Variants in CLCF1 observed in about 807,000 individuals in gnomAD.
CLCF1 encodes the protein cardiotrophin-like cytokine factor 1.
A neutral mutation model predicts 21.2 loss-of-function variants in CLCF1; 10 were observed. That is an observed-to-expected ratio of 0.47 (90% CI 0.29 to 0.80). The LOEUF is 0.80. Ranked by LOEUF, CLCF1 falls within the 30% of genes least tolerant of loss-of-function variation. The pLI is 0.09. For missense variants in CLCF1, 240 were observed against 293.4 expected, an observed-to-expected ratio of 0.82 and a Z score of 1.33; for synonymous variants, 115 against 120.5, an observed-to-expected ratio of 0.95 and a Z score of 0.30.
Position 67,373,571 on chromosome 11 carries a change from C to G in CLCF1, c.-32G>C, listed in dbSNP as rs758862272. On this transcript the variant is annotated 5_prime_UTR_variant, in exon 1 of 3. Transcript: ENST00000312438. ...GGGGCCGGGCCGGCCGGGTGCGGCT[C>G]CTCTCCCGGAGGCTGGCGGAGTGGG... 17 of 1,363,072 alleles carry G rather than the reference C, an allele frequency of 1.2e-5. No individual in the cohort carries two copies. Among genetic ancestry groups the G allele is most frequent in the Admixed American group, 1.1e-4 (3 of 28,462 alleles). 84.4% of individuals were successfully genotyped at this position (1,363,072 alleles called of 1,614,324 possible).
chr11:67,371,834 TGTGCAGGGGTGGC>T (rs970683031), intron 1 of CLCF1, among the ~76,000 whole-genome samples: 5 of 151,722 alleles, frequency 3.3e-5, no homozygotes, highest in South Asian at 2.1e-4. Flanking sequence ...CAGTGGCTGG[TGTGCAGGGGTGGC>T]GTGCAGGGGT....
intron 1 of CLCF1, chr11:67,369,891 G>A (rs1862192171): frequency 8.1e-6 from 8 of 985,120 alleles, no homozygotes; most frequent in Non-Finnish European, 9.6e-6. Flanking sequence ...AGGGGGAGAA[G>A]CCTTTGGATA....
chr11:67,367,442 C>G lies in CLCF1; in HGVS notation c.183+18G>C. 1.9e-6 allele frequency: 3 copies of G among 1,614,196 alleles called. No individual in the cohort carries two copies. Among genetic ancestry groups the G allele is most frequent in the Non-Finnish European group, 2.5e-6 (3 of 1,180,024 alleles). ...CTCACTCCTCCCCAACTCCCAGATT[C>G]CTACGCTGGATACTCACATAGGTCC... On this transcript the variant is annotated intron_variant, in intron 2 of 2. Transcript: ENST00000312438.
chr11:67,374,115 C>A, upstream of CLCF1: 35 of 985,874 alleles, frequency 3.6e-5, no homozygotes, highest in Non-Finnish European at 4.0e-5. Context: ...CCCTCCTCCT[C>A]CCCCTTGAGT....
chr11:67,366,174 A>C (rs1354514231), intron 2 of CLCF1, among the ~76,000 whole-genome samples: 1 of 152,098 alleles, frequency 6.6e-6, no homozygotes, highest in Non-Finnish European at 1.5e-5. Context: ...TGGAAGCCAG[A>C]TTGCAGGGGG....
Position 67,367,641 on chromosome 11 carries a change from G to A in CLCF1, c.17-15C>T. 1 of 1,611,748 alleles carries A rather than the reference G, an allele frequency of 6.2e-7. No homozygotes were observed. On this transcript the variant is annotated splice_polypyrimidine_tract_variant and intron_variant, in intron 1 of 2. Coordinates refer to ENST00000312438, the MANE Select transcript of CLCF1 (RefSeq NM_013246.3). ...CCACGAGTCCCCTGTGGGCAGGATG[G>A]ACGAGAAGCATGAGCGCGGCCCGGG...
chr11:67,373,608 C>A, upstream of CLCF1: 1 of 1,279,364 alleles, frequency 7.8e-7, no homozygotes, highest in Non-Finnish European at 9.9e-7. Context: ...GGGCGAGCCG[C>A]GGCTCCGGCG....
chr11:67,369,257 G>GCC, intron 1 of CLCF1: 1 of 985,406 alleles, frequency 1.0e-6, no homozygotes, highest in Non-Finnish European at 1.2e-6. Context: ...TGTGTGACTG[G>GCC]CCGGCTTTAC....
rs1862248365 is a variant in CLCF1, at chr11:67,372,132, A to G, written c.16+1392T>C. Among the ~76,000 whole-genome samples, 1 of 152,098 alleles carries G rather than the reference A, an allele frequency of 6.6e-6. No individual in the cohort carries two copies. Among genetic ancestry groups the G allele is most frequent in the Non-Finnish European group, 1.5e-5 (1 of 67,990 alleles). On this transcript the variant is annotated intron_variant, in intron 1 of 2. Coordinates refer to ENST00000312438, the MANE Select transcript of CLCF1 (RefSeq NM_013246.3). This position sits in a 1 kb window ranked among gnomAD's most constrained non-coding sequence, Gnocchi z 5.9. ...TGGCGGAGGTCAGTCGGGGTCAGTG[A>G]AAGCACAGAGGTGTCCCTGGGTTAG...
At chr11:67,370,422 C>A in intron 1 of CLCF1, 1 of 985,166 alleles carries the variant, frequency 1.0e-6, no homozygotes, top group African/African-American at 1.7e-5. Context: ...CGGCCCCCGC[C>A]CCAGCTCTGC....
rs980334718 is a variant in CLCF1, at chr11:67,372,091, G to C, written c.16+1433C>G. Among the ~76,000 whole-genome samples, 1 of 152,132 alleles carries C rather than the reference G, an allele frequency of 6.6e-6. No individual in the cohort carries two copies. The highest frequency in any genetic ancestry group is 6.5e-5 in the Admixed American group (1 of 15,280). ...CATCCTGTCCGGTGTGAGGGGCAAC[G>C]TGTGCTCCCGAGCTGTGGCGGAGGT... On this transcript the variant is annotated intron_variant, in intron 1 of 2. Transcript: ENST00000312438. The surrounding 1 kb of genome is among the most constrained non-coding windows in gnomAD (Gnocchi z 5.9).
At chr11:67,373,418 G>C in intron 1 of CLCF1, 106 bp downstream of exon 1, 1 of 587,976 alleles carries the variant, frequency 1.7e-6, no homozygotes, top group Non-Finnish European at 2.8e-6. Flanking sequence ...CCAGCTCCCT[G>C]GCCCGGCCCC....
rs193230914 is a variant in CLCF1, at chr11:67,370,119, G to C, written c.17-2493C>G. 57 of 985,352 alleles carry C rather than the reference G, an allele frequency of 5.8e-5. No individual in the cohort carries two copies. The South Asian group carries it at 1.6e-3, about 28-fold the overall frequency. The allele number at this position is 985,352 out of a possible 1,614,324, so 61.0% of individuals were successfully genotyped here. ...GAGAAGAGGTTAGGAGAAAAGAAAG[G>C]GGGGGTAGAAGGACAGGGCTCTGCC... On this transcript the variant is annotated intron_variant, in intron 1 of 2. Transcript: ENST00000312438.
At chr11:67,369,285 G>A in intron 1 of CLCF1, 1 of 985,338 alleles carries the variant, frequency 1.0e-6, no homozygotes. Flanking sequence ...GCGTGGCGGT[G>A]GGGTACCACA....
chr11:67,365,091 T>C lies in CLCF1; in HGVS notation c.*45A>G. ...GCATACAGGGCTGGCTCTCACAAAG[T>C]GGGAGCAGGGTTTGAAGGGGGAGCG... On this transcript the variant is annotated 3_prime_UTR_variant, in exon 3 of 3. Transcript: ENST00000312438. The surrounding 1 kb of genome is among the most constrained non-coding windows in gnomAD (Gnocchi z 5.0). The C allele has an allele frequency of 6.2e-7, 1 of 1,611,412 alleles. No homozygotes were observed. The highest frequency in any genetic ancestry group is 8.5e-7 in the Non-Finnish European group (1 of 1,179,856).
At chr11:67,371,941 T>C (rs1862244671) in intron 1 of CLCF1, among the ~76,000 whole-genome samples, 1 of 151,994 alleles carries the variant, frequency 6.6e-6, no homozygotes, top group African/African-American at 2.4e-5. Flanking sequence ...CAGTGTCACT[T>C]CTGGGGCTGC....
At chr11:67,368,715 G>A (rs1029473362) in intron 1 of CLCF1, 11 of 985,248 alleles carry the variant, frequency 1.1e-5, no homozygotes, top group Non-Finnish European at 1.2e-5. Context: ...GATTTAGTGC[G>A]GTTGAGGTTT....
intron 1 of CLCF1, chr11:67,370,508 G>GCTAA (rs1333667059): frequency 1.0e-6 from 1 of 984,888 alleles, no homozygotes; most frequent in Non-Finnish European, 1.2e-6. Context: ...CACGTGAGGA[G>GCTAA]CTAACGAGTA....
chr11:67,366,285 C>A (rs969124470), intron 2 of CLCF1, among the ~76,000 whole-genome samples: 2 of 152,088 alleles, frequency 1.3e-5, no homozygotes, highest in Non-Finnish European at 2.9e-5. Flanking sequence ...GGGTCGGGAA[C>A]TAGAGAGGGC....
Sources: allele counts gnomAD v4.1 joint callset (sites outside exome capture counted in the v4.1 genomes callset), GRCh38; gene constraint gnomAD v4.1.1; non-coding constraint Gnocchi (gnomAD v3.1); transcripts MANE v1.5; gene names NCBI Gene and HGNC (gene_info 2026-07-23, HGNC 2026-07-21).